PPP1R16B: variants seen among roughly 807,000 people sequenced by gnomAD.
PPP1R16B encodes the protein protein phosphatase 1 regulatory subunit 16B.
PPP1R16B carries 14 observed loss-of-function variants against 61.7 expected under a neutral mutation model. That is an observed-to-expected ratio of 0.23 (90% CI 0.15 to 0.35). The LOEUF (loss-of-function observed/expected upper bound fraction) is 0.35. Ranked by LOEUF, PPP1R16B falls within the 10% of genes least tolerant of loss-of-function variation. PPP1R16B has a pLI of 1.00. For synonymous variants in PPP1R16B, 266 were observed against 305.3 expected, an observed-to-expected ratio of 0.87 and a Z score of 1.34; for missense variants, 547 against 752.5, an observed-to-expected ratio of 0.73 and a Z score of 3.19.
intron 1 of PPP1R16B, among the ~76,000 whole-genome samples, chr20:38,813,039 A>G (rs1261332188): frequency 1.3e-5 from 2 of 152,150 alleles, no homozygotes; most frequent in Non-Finnish European, 2.9e-5. Flanking sequence ...GGAGACCCCA[A>G]GTCTACAGGT....
At chr20:38,899,186 T>C (rs1052236123) in intron 4 of PPP1R16B, among the ~76,000 whole-genome samples, 2 of 152,074 alleles carry the variant, frequency 1.3e-5, no homozygotes, top group East Asian at 3.9e-4. Flanking sequence ...TGCTCTGGGG[T>C]GTACGAAAGC....
rs542181394 is a variant in PPP1R16B, at chr20:38,909,109, C to T, written c.1194+916C>T. Among the ~76,000 whole-genome samples the T allele has an allele frequency of 9.9e-5, 15 of 152,268 alleles. No homozygotes were observed. The South Asian group carries it at 3.1e-3, about 32-fold the overall frequency. On this transcript the variant is annotated intron_variant, in intron 10 of 10. Coordinates refer to ENST00000299824, the MANE Select transcript of PPP1R16B (RefSeq NM_015568.4). ...CTCCAACTCATGGGCTTAAGCGATC[C>T]TCCCACCTCAGCCTCCCAAGTAGCT...
At chr20:38,852,599 G>C (rs1321054752) in intron 2 of PPP1R16B, among the ~76,000 whole-genome samples, 1 of 152,090 alleles carries the variant, frequency 6.6e-6, no homozygotes, top group South Asian at 2.1e-4. Flanking sequence ...TGCTAATAAG[G>C]AGGTGTATGA....
At chr20:38,914,797 A>G (rs1283454920) in intron 10 of PPP1R16B, among the ~76,000 whole-genome samples, 2 of 152,172 alleles carry the variant, frequency 1.3e-5, no homozygotes, top group East Asian at 3.9e-4. Context: ...CCTCCCATGT[A>G]GCTGAGCCAC....
At chr20:38,916,810 G>A (rs1232433302) in intron 10 of PPP1R16B, among the ~76,000 whole-genome samples, 3 of 152,070 alleles carry the variant, frequency 2.0e-5, no homozygotes, top group Admixed American at 6.5e-5. Flanking sequence ...TGCCAACACT[G>A]AGTAATAACA....
Position 38,836,181 on chromosome 20 carries a change from C to A in PPP1R16B, c.250+6C>A. 1 of 1,604,604 alleles carries A rather than the reference C, an allele frequency of 6.2e-7. No individual in the cohort carries two copies. Among genetic ancestry groups the A allele is most frequent in the Non-Finnish European group, 8.5e-7 (1 of 1,176,122 alleles). On this transcript the variant is annotated splice_donor_region_variant and intron_variant, in intron 2 of 10. Coordinates refer to ENST00000299824, the MANE Select transcript of PPP1R16B (RefSeq NM_015568.4). ...GAGGAACGACGCCGAGGAAGGTAGG[C>A]CCCTCTGTGCCTTGGCGGCCACGCA...
intron 1 of PPP1R16B, among the ~76,000 whole-genome samples, chr20:38,827,997 C>T (rs2145714528): frequency 6.6e-6 from 1 of 152,252 alleles, no homozygotes; most frequent in Middle Eastern, 3.4e-3. Context: ...AGGCTGCTGC[C>T]AATATTGTGT....
intron 1 of PPP1R16B, among the ~76,000 whole-genome samples, chr20:38,829,917 G>C (rs1054316784): frequency 3.3e-5 from 5 of 152,364 alleles, no homozygotes; most frequent in Admixed American, 3.3e-4. Context: ...GAGGGGCAAG[G>C]TGGGAGGGGC....
intron 1 of PPP1R16B, among the ~76,000 whole-genome samples, chr20:38,823,101 G>A (rs2084782960): frequency 6.6e-6 from 1 of 152,154 alleles, no homozygotes; most frequent in South Asian, 2.1e-4. Flanking sequence ...AAAGAGGGGA[G>A]GAACAGAAGT....
intron 4 of PPP1R16B, among the ~76,000 whole-genome samples, chr20:38,898,811 A>AAACAACAACAACAACAACAAC (rs145367321): frequency 8.7e-4 from 130 of 150,208 alleles, no homozygotes; most frequent in African/African-American, 2.4e-3. Context: ...CCTTGTTTCA[A>AAACAACAACAACAACAACAAC]AACAACAACA....
At chr20:38,899,200 G>C (rs1192091725) in intron 4 of PPP1R16B, among the ~76,000 whole-genome samples, 2 of 152,354 alleles carry the variant, frequency 1.3e-5, no homozygotes, top group East Asian at 3.9e-4. Flanking sequence ...CGAAAGCTCA[G>C]AGAAGTCACA....
At chr20:38,816,967 T>C (rs1342524948) in intron 1 of PPP1R16B, among the ~76,000 whole-genome samples, 1 of 152,206 alleles carries the variant, frequency 6.6e-6, no homozygotes, top group African/African-American at 2.4e-5. Context: ...AGGACCACTC[T>C]CTCATGGCAG....
intron 2 of PPP1R16B, among the ~76,000 whole-genome samples, chr20:38,839,800 A>G (rs1008077881): frequency 6.6e-6 from 1 of 152,048 alleles, no homozygotes; most frequent in African/African-American, 2.4e-5. Context: ...CATAGTATGG[A>G]TTACCAGAAT....
intron 2 of PPP1R16B, among the ~76,000 whole-genome samples, chr20:38,889,259 C>T (rs530649915): frequency 6.6e-6 from 1 of 152,268 alleles, no homozygotes; most frequent in South Asian, 2.1e-4. Context: ...GTTGCACAGC[C>T]AATGAGAATG....
intron 2 of PPP1R16B, among the ~76,000 whole-genome samples, chr20:38,854,220 T>A (rs1383752228): frequency 6.6e-6 from 1 of 152,168 alleles, no homozygotes; most frequent in African/African-American, 2.4e-5. Flanking sequence ...CCCCGGACTT[T>A]GGGTTGAGAA....
At chr20:38,875,031 T>TATGC (rs1334607715) in intron 2 of PPP1R16B, among the ~76,000 whole-genome samples, 1 of 152,214 alleles carries the variant, frequency 6.6e-6, no homozygotes, top group East Asian at 1.9e-4. Context: ...TAGATGCTGA[T>TATGC]ATGCATCTGC....
intron 2 of PPP1R16B, among the ~76,000 whole-genome samples, chr20:38,841,453 G>A (rs1028668373): frequency 2.1e-4 from 31 of 151,042 alleles, no homozygotes; most frequent in African/African-American, 6.3e-4. Context: ...GCTTGAATCC[G>A]GGAGGTTAAA....
chr20:38,813,924 G>A (rs1229175551), intron 1 of PPP1R16B, among the ~76,000 whole-genome samples: 1 of 151,926 alleles, frequency 6.6e-6, no homozygotes, highest in Non-Finnish European at 1.5e-5. Flanking sequence ...AGCCTCCTGA[G>A]TAGCTGAGAT....
rs539148267 is a variant in PPP1R16B at position 38,831,402 on chromosome 20, T to C, written c.-101-4423T>C. 2.3e-3 allele frequency among the ~76,000 whole-genome samples: 344 copies of C among 152,350 alleles called. 1 individual carries two copies. The highest frequency in any genetic ancestry group is 7.7e-3 in the African/African-American group (322 of 41,586). On this transcript the variant is annotated intron_variant, in intron 1 of 10. Coordinates refer to ENST00000299824, the MANE Select transcript of PPP1R16B (RefSeq NM_015568.4). ...CTGTCTTGGGGCCGCCTAGCTGCTG[T>C]GTTCACCCTGCTGTGTGTTGGGGAG...
Sources: allele counts gnomAD v4.1 joint callset (sites outside exome capture counted in the v4.1 genomes callset), GRCh38; gene constraint gnomAD v4.1.1; transcripts MANE v1.5; gene names NCBI Gene and HGNC (gene_info 2026-07-23, HGNC 2026-07-21).